Variants in LBP observed in about 807,000 individuals in gnomAD.
The protein encoded by LBP is lipopolysaccharide binding protein.
LBP carries 53 observed loss-of-function variants against 56.6 expected under a neutral mutation model. The ratio of observed to expected loss-of-function variants is 0.94; its 90% CI spans 0.75 to 1.18. The LOEUF is 1.18. Among genes scored for constraint, LBP ranks in the 50% most tolerant of loss-of-function variants. The pLI, the probability that LBP is intolerant of heterozygous loss-of-function variation, is 0.00. For synonymous variants in LBP, 227 were observed against 247.5 expected (o/e 0.92, Z 0.78); for missense variants, 601 against 598.3 (o/e 1.00, Z -0.05).
At chr20:38,361,547 G>A (rs1382275107) in intron 6 of LBP, among the ~76,000 whole-genome samples, 2 of 151,864 alleles carry the variant, frequency 1.3e-5, no homozygotes, top group Non-Finnish European at 2.9e-5. Flanking sequence ...TGGGACTACA[G>A]GTGCATGCCA....
chr20:38,370,939 A>C (rs1349246009), intron 11 of LBP, 134 bp downstream of exon 11: 1 of 765,610 alleles, frequency 1.3e-6, no homozygotes, highest in East Asian at 2.4e-5. Context: ...AATTGGCCCA[A>C]TTCTTCTGCC....
intron 4 of LBP, 96 bp from the exon 5 acceptor site, chr20:38,355,250 C>G: frequency 9.2e-7 from 1 of 1,081,312 alleles, no homozygotes; most frequent in South Asian, 1.3e-5. Flanking sequence ...GGAGAGGGCT[C>G]CCTTTGTGGA....
intron 5 of LBP, among the ~76,000 whole-genome samples, chr20:38,356,418 GCGCACACACA>G (rs1365917264): frequency 1.2e-4 from 6 of 48,920 alleles, no homozygotes; most frequent in South Asian, 6.8e-4. Context: ...CCACACACAC[GCGCACACACA>G]CACACACACA....
At chr20:38,348,561 G>A (rs1023594151) in intron 1 of LBP, among the ~76,000 whole-genome samples, 3 of 152,062 alleles carry the variant, frequency 2.0e-5, no homozygotes, top group Non-Finnish European at 4.4e-5. Flanking sequence ...GCCTCCCAAA[G>A]TGCTGGGATT....
chr20:38,364,449 C>T lies in LBP; in HGVS notation c.745-127C>T. 3.4e-6 allele frequency: 3 copies of T among 879,512 alleles called. No homozygotes were observed. The Admixed American group carries it at 5.9e-5, about 17-fold the overall frequency. 54.5% of individuals were successfully genotyped at this position (879,512 alleles called of 1,614,324 possible). On this transcript the variant is annotated intron_variant, in intron 7 of 14. Coordinates refer to ENST00000217407, the MANE Select transcript of LBP (RefSeq NM_004139.5). ...TTTTCATTAAAAGACATAACACTGC[C>T]TTTAATGGTGGAGTTTCAGGCAGTG...
At chr20:38,354,555 G>A in intron 4 of LBP, 116 bp downstream of exon 4, 1 of 860,624 alleles carries the variant, frequency 1.2e-6, no homozygotes, top group South Asian at 1.9e-5. Context: ...ACAGGCACTT[G>A]AAGATCATTC....
At chr20:38,362,057 T>C (rs2076862189) in intron 6 of LBP, among the ~76,000 whole-genome samples, 2 of 128,288 alleles carry the variant, frequency 1.6e-5, no homozygotes, top group African/African-American at 3.0e-5. Context: ...TGTTTTCTTT[T>C]TTTTTTTTTT....
Position 38,373,991 on chromosome 20 carries a change from A to C in LBP, c.1379A>C (p.Asp460Ala). 1 of 1,614,024 alleles carries C rather than the reference A, an allele frequency of 6.2e-7. No homozygotes were observed. Among genetic ancestry groups the C allele is most frequent in the African/African-American group, 1.3e-5 (1 of 75,024 alleles). The change falls in exon 14 of 15, where the codon GAC becomes GCC. Residue 460 changes from aspartate (D) to alanine (A), a missense_variant. Coordinates refer to ENST00000217407, the MANE Select transcript of LBP (RefSeq NM_004139.5). ...LPLLKRVQLY[D>A]LGLQIHKDFL... ...CTGCTGAAGCGTGTTCAGCTCTACGACCTTGGGCTGCAGATCCATAAGGTC... is the reference window on the plus strand; with the variant it reads ...CTGCTGAAGCGTGTTCAGCTCTACGCCCTTGGGCTGCAGATCCATAAGGTC...
At chr20:38,357,904 GC>G (rs1275190217) in intron 5 of LBP, among the ~76,000 whole-genome samples, 2 of 152,206 alleles carry the variant, frequency 1.3e-5, no homozygotes, top group Non-Finnish European at 2.9e-5. Context: ...CTTTTAGCAT[GC>G]CAATGTATTA....
intron 1 of LBP, among the ~76,000 whole-genome samples, chr20:38,348,782 A>AGTTTTGTTTTGTTTTGTTTT (rs1397467873): frequency 2.0e-4 from 26 of 131,174 alleles, no homozygotes; most frequent in African/African-American, 8.0e-4. Context: ...AGTTTAGTTT[A>AGTTTTGTTTTGTTTTGTTTT]GTTTAGTTTT....
In LBP at chr20:38,359,609, A is replaced by C. The variant is rs543189741; in HGVS notation, c.589-1095A>C. On this transcript the variant is annotated intron_variant, in intron 5 of 14. Coordinates refer to ENST00000217407, the MANE Select transcript of LBP (RefSeq NM_004139.5). ...AAAACAAACAACAACAAAAAAAAAA[A>C]CTCTTTTCTCAATGATATTGCATTA... 6.9e-3 allele frequency among the ~76,000 whole-genome samples: 1,030 copies of C among 150,252 alleles called. 14 individuals carry two copies. The highest frequency in any genetic ancestry group is 0.024 in the African/African-American group (953 of 40,348).
intron 9 of LBP, among the ~76,000 whole-genome samples, chr20:38,368,707 C>T (rs2076891039): frequency 6.6e-6 from 1 of 152,182 alleles, no homozygotes; most frequent in African/African-American, 2.4e-5. Context: ...AGGAGGTGGT[C>T]ATTATAATGG....
intron 3 of LBP, 32 bp downstream of exon 3, chr20:38,350,971 TCTTGGC>T: frequency 6.2e-7 from 1 of 1,607,474 alleles, no homozygotes; most frequent in East Asian, 2.2e-5. Context: ...GCCCTGGAGC[TCTTGGC>T]CTTGGCCTTC....
At chr20:38,358,775 G>T (rs117353696) in intron 5 of LBP, among the ~76,000 whole-genome samples, 1,835 of 152,328 alleles carry the variant, frequency 0.012, 12 homozygotes, top group Non-Finnish European at 0.019. Flanking sequence ...GGCTCTGCAT[G>T]TCCCTCTCCT....
intron 6 of LBP, among the ~76,000 whole-genome samples, chr20:38,362,685 C>T (rs561985864): frequency 6.6e-6 from 1 of 151,804 alleles, no homozygotes; most frequent in East Asian, 2.0e-4. Flanking sequence ...TGGTGGTGCA[C>T]ACCTATAATC....
At chr20:38,366,853 G>T in intron 9 of LBP, 25 bp downstream of exon 9, 1 of 1,604,284 alleles carries the variant, frequency 6.2e-7, no homozygotes, top group South Asian at 1.1e-5. Context: ...AGTTCCCCAT[G>T]AGTGCAGACC....
chr20:38,372,396 T>C (rs2076903714), intron 12 of LBP, among the ~76,000 whole-genome samples: 1 of 152,186 alleles, frequency 6.6e-6, no homozygotes, highest in Non-Finnish European at 1.5e-5. Context: ...GAGTGAATAA[T>C]GGTGCACTCA....
chr20:38,366,178 A>G (rs559797730), intron 8 of LBP, among the ~76,000 whole-genome samples: 1 of 152,218 alleles, frequency 6.6e-6, no homozygotes, highest in Non-Finnish European at 1.5e-5. Context: ...GGTCCAGCTT[A>G]CCCTGGTATA....
chr20:38,362,254 G>T (rs182432670), intron 6 of LBP, among the ~76,000 whole-genome samples: 2,412 of 148,930 alleles, frequency 0.016, 93 homozygotes, highest in East Asian at 0.15. Flanking sequence ...TAGAGACGGG[G>T]TTTCACCATG....
Sources: allele counts gnomAD v4.1 joint callset (sites outside exome capture counted in the v4.1 genomes callset), GRCh38; gene constraint gnomAD v4.1.1; transcripts MANE v1.5; gene names NCBI Gene and HGNC (gene_info 2026-07-23, HGNC 2026-07-21).